KCNIP4: variants seen among roughly 807,000 people sequenced by gnomAD.
The protein encoded by KCNIP4 is potassium voltage-gated channel interacting protein 4.
Under a neutral mutation model 34.0 loss-of-function variants are expected in KCNIP4, and 12 were observed. The ratio of observed to expected loss-of-function variants is 0.35; its 90% CI spans 0.23 to 0.57. KCNIP4 has a LOEUF of 0.57. Among genes scored for constraint, KCNIP4 ranks in the 20% least tolerant of loss-of-function variants. The pLI is 0.83. For synonymous variants in KCNIP4, 124 were observed against 102.2 expected (o/e 1.21, Z -1.29); for missense variants, 238 against 311.7 (o/e 0.76, Z 1.78).
intron 1 of KCNIP4, among the ~76,000 whole-genome samples, chr4:21,601,186 G>A (rs915806612): frequency 3.3e-5 from 5 of 151,844 alleles, no homozygotes. Flanking sequence ...CATTGCTGCA[G>A]TCCAAACTAT....
At chr4:21,666,690 T>TA (rs564912745) in intron 1 of KCNIP4, among the ~76,000 whole-genome samples, 1 of 152,290 alleles carries the variant, frequency 6.6e-6, no homozygotes, top group East Asian at 1.9e-4. Context: ...ACATGGTACT[T>TA]ATGCAGAGCA....
intron 1 of KCNIP4, among the ~76,000 whole-genome samples, chr4:21,414,467 C>T (rs1285935826): frequency 4.5e-4 from 68 of 152,134 alleles, no homozygotes; most frequent in Admixed American, 4.5e-3. Context: ...AATTGAAACC[C>T]TCTCAGGCTC....
chr4:21,792,784 T>C (rs896918162), intron 1 of KCNIP4, among the ~76,000 whole-genome samples: 9 of 152,350 alleles, frequency 5.9e-5, no homozygotes, highest in African/African-American at 2.2e-4. Flanking sequence ...GAATCTCTGA[T>C]TGTGAAGGGT....
intron 2 of KCNIP4, among the ~76,000 whole-genome samples, chr4:20,861,787 T>C (rs1393534586): frequency 1.3e-5 from 2 of 152,026 alleles, no homozygotes; most frequent in Non-Finnish European, 2.9e-5. Flanking sequence ...AACAACCCAG[T>C]GGTGAACAGC....
intron 1 of KCNIP4, among the ~76,000 whole-genome samples, chr4:21,736,282 T>TC (rs1560676049): frequency 2.0e-5 from 3 of 151,996 alleles, no homozygotes; most frequent in African/African-American, 7.3e-5. Flanking sequence ...CCCTATTAAT[T>TC]TCTCACTAGA....
intron 1 of KCNIP4, among the ~76,000 whole-genome samples, chr4:21,214,268 A>G (rs1403428309): frequency 1.3e-5 from 2 of 152,172 alleles, no homozygotes; most frequent in African/African-American, 4.8e-5. Flanking sequence ...AGCCATGAAA[A>G]ATCATAACTC....
chr4:21,538,781 G>T (rs1577557441), intron 1 of KCNIP4, among the ~76,000 whole-genome samples: 1 of 152,294 alleles, frequency 6.6e-6, no homozygotes, highest in East Asian at 1.9e-4. Context: ...ATGCCGGTAT[G>T]TTCTCTATAT....
Position 21,113,477 on chromosome 4 carries a change from A to G in KCNIP4, c.62-230768T>C, listed in dbSNP as rs1293957916. Reference sequence around the variant, plus strand: ...GTTTAAAAAAAAAAAAAAAAAAAAAAAAAGGAAAGCTATACTCAGTGGGAA... The same window carrying G: ...GTTTAAAAAAAAAAAAAAAAAAAAAGAAAGGAAAGCTATACTCAGTGGGAA... On this transcript the variant is annotated intron_variant, in intron 1 of 8. Coordinates refer to ENST00000382152, the MANE Select transcript of KCNIP4 (RefSeq NM_025221.6). 4.0e-3 allele frequency among the ~76,000 whole-genome samples: 582 copies of G among 145,324 alleles called. 9 individuals carry two copies. The highest frequency in any genetic ancestry group is 0.014 in the African/African-American group (541 of 37,994).
intron 1 of KCNIP4, among the ~76,000 whole-genome samples, chr4:21,870,441 T>TA (rs200103850): frequency 2.0e-5 from 3 of 152,200 alleles, no homozygotes; most frequent in Admixed American, 6.5e-5. Flanking sequence ...GTCATAACAG[T>TA]AAAAAACACA....
intron 1 of KCNIP4, among the ~76,000 whole-genome samples, chr4:21,423,978 T>C (rs899022636): frequency 1.3e-5 from 2 of 150,876 alleles, no homozygotes; most frequent in African/African-American, 4.9e-5. Flanking sequence ...CGGCCAATTT[T>C]TTTTTTTTCT....
At chr4:20,954,135 A>T (rs1443678250) in intron 1 of KCNIP4, among the ~76,000 whole-genome samples, 1 of 152,192 alleles carries the variant, frequency 6.6e-6, no homozygotes, top group Non-Finnish European at 1.5e-5. Context: ...TCAAGTGAAC[A>T]CAAGAGCTCA....
intron 1 of KCNIP4, among the ~76,000 whole-genome samples, chr4:21,057,225 A>T (rs1743487659): frequency 6.6e-6 from 1 of 152,186 alleles, no homozygotes; most frequent in African/African-American, 2.4e-5. Flanking sequence ...TAAATCAATT[A>T]GTTCATATTG....
At chr4:20,741,250 C>A (rs1286640509) in intron 5 of KCNIP4, among the ~76,000 whole-genome samples, 1 of 152,194 alleles carries the variant, frequency 6.6e-6, no homozygotes, top group Non-Finnish European at 1.5e-5. Context: ...CTCTCCACCC[C>A]AAATCAACAG....
At chr4:21,385,083 A>G (rs1400605501) in intron 1 of KCNIP4, among the ~76,000 whole-genome samples, 1 of 152,196 alleles carries the variant, frequency 6.6e-6, no homozygotes, top group Non-Finnish European at 1.5e-5. Context: ...AGACAGTACT[A>G]GAAGCAACTG....
At chr4:21,207,833 TTTTC>T (rs1159603592) in intron 1 of KCNIP4, among the ~76,000 whole-genome samples, 2 of 146,582 alleles carry the variant, frequency 1.4e-5, no homozygotes, top group Non-Finnish European at 3.0e-5. Context: ...TTTTCTCCTT[TTTTC>T]TTTTTCTTTT....
intron 1 of KCNIP4, among the ~76,000 whole-genome samples, chr4:21,041,586 A>G (rs1363232365): frequency 1.1e-4 from 17 of 152,220 alleles, no homozygotes; most frequent in Non-Finnish European, 2.5e-4. Flanking sequence ...AAAGACACAA[A>G]TAAAATTTCA....
rs115266875 is a variant in KCNIP4 at position 21,085,239 on chromosome 4, C to T, written c.62-202530G>A. Among the ~76,000 whole-genome samples the T allele has an allele frequency of 5.5e-3, 834 of 152,184 alleles. 12 individuals are homozygous for T. Among genetic ancestry groups the T allele is most frequent in the African/African-American group, 0.019 (800 of 41,524 alleles). ...CAAGAGAGATTCTCTCTCTCTCTGC[C>T]AGTTGGCCATATGAGGATACATGCA... On this transcript the variant is annotated intron_variant, in intron 1 of 8. Coordinates refer to ENST00000382152, the MANE Select transcript of KCNIP4 (RefSeq NM_025221.6).
intron 1 of KCNIP4, among the ~76,000 whole-genome samples, chr4:21,396,385 G>T (rs1722999375): frequency 6.6e-6 from 1 of 151,460 alleles, no homozygotes; most frequent in African/African-American, 2.4e-5. Context: ...GTGAAACTCT[G>T]TCTCTACTAA....
intron 1 of KCNIP4, among the ~76,000 whole-genome samples, chr4:21,292,570 T>C (rs1763592915): frequency 6.6e-6 from 1 of 152,180 alleles, no homozygotes. Flanking sequence ...CACTCAGCAC[T>C]GCCCGGCAAT....
Sources: allele counts gnomAD v4.1 joint callset (sites outside exome capture counted in the v4.1 genomes callset), GRCh38; gene constraint gnomAD v4.1.1; transcripts MANE v1.5; gene names NCBI Gene and HGNC (gene_info 2026-07-23, HGNC 2026-07-21).